PLG: variants seen among roughly 807,000 people sequenced by gnomAD.
The protein encoded by PLG is plasminogen, also known as plasmin.
A neutral mutation model predicts 104.4 loss-of-function variants in PLG; 41 were observed. The observed-to-expected ratio is 0.39, with a 90% CI of 0.31 to 0.51. The LOEUF (loss-of-function observed/expected upper bound fraction) is 0.51. Among genes scored for constraint, PLG ranks in the 20% least tolerant of loss-of-function variants. The pLI is 0.76. For synonymous variants in PLG, 337 were observed against 357.1 expected (o/e 0.94, Z 0.63); for missense variants, 891 against 1,003.6 (o/e 0.89, Z 1.52).
Position 160,711,506 on chromosome 6 carries a change from C to G in PLG, c.407+315C>G, listed in dbSNP as rs140952222. 5.7e-4 allele frequency: 840 copies of G among 1,475,856 alleles called. 9 individuals are homozygous for G. In the Middle Eastern group the frequency reaches 6.4e-3, roughly 11 times the overall value. 91.4% of individuals were successfully genotyped at this position (1,475,856 alleles called of 1,614,324 possible). ...TTGGTTGAATTTGTGGATCTGGAAC[C>G]CATGGATACAGAGGGCCAACTGTAT... On this transcript the variant is annotated intron_variant, in intron 4 of 18. Transcript: ENST00000308192.
At chr6:160,730,576 G>A (rs1377040918) in intron 10 of PLG, among the ~76,000 whole-genome samples, 1 of 152,128 alleles carries the variant, frequency 6.6e-6, no homozygotes, top group African/African-American at 2.4e-5. Context: ...ATACCATCTT[G>A]GATGTCATTT....
At position 160,741,269 on chromosome 6, in the gene PLG, G is replaced by A. The variant is rs371199625; in HGVS notation, c.2019-42G>A. ...GACTGGTTGTGGGTACTGCAGCTGC[G>A]AGCAGAGCAGTCAAACATAACTGCT... On this transcript the variant is annotated intron_variant, in intron 16 of 18. Transcript: ENST00000308192. The surrounding 1 kb of genome is among the most constrained non-coding windows in gnomAD (Gnocchi z 4.7). 43 of 1,328,074 alleles carry A rather than the reference G, an allele frequency of 3.2e-5. No homozygotes were observed. The highest frequency in any genetic ancestry group is 2.1e-4 in the South Asian group (18 of 85,504). 82.3% of individuals were successfully genotyped at this position (1,328,074 alleles called of 1,614,324 possible).
rs752552388 is a variant in PLG at position 160,702,310 on chromosome 6, A to C, written c.6A>C (p.Glu2Asp). The C allele has an allele frequency of 1.2e-6, 2 of 1,610,084 alleles. No individual in the cohort carries two copies. Among genetic ancestry groups the C allele is most frequent in the Non-Finnish European group, 1.7e-6 (2 of 1,179,704 alleles). M[E>D]HKEVVLLLLL... ...CACTGCTGGCCAGTCCCAAAATGGA[A>C]CATAAGGAAGTGGTTCTTCTACTTC... Residue 2 changes from glutamate to aspartate, a missense_variant, in exon 1 of 19, where the codon GAA (glutamate) becomes GAC (aspartate). Transcript: ENST00000308192.
At chr6:160,727,685 A>G (rs1340656330) in intron 10 of PLG, among the ~76,000 whole-genome samples, 1 of 152,024 alleles carries the variant, frequency 6.6e-6, no homozygotes, top group East Asian at 1.9e-4. Flanking sequence ...AAATCATATG[A>G]TTATGTCAAT....
Position 160,702,244 on chromosome 6 carries a change from G to A in PLG, c.-61G>A. The A allele has an allele frequency of 6.3e-7, 1 of 1,598,494 alleles. No individual in the cohort carries two copies. The highest frequency in any genetic ancestry group is 8.5e-7 in the Non-Finnish European group (1 of 1,171,596). On this transcript the variant is annotated 5_prime_UTR_variant, in exon 1 of 19. Transcript: ENST00000308192. ...GGTTTGTGGATGCGTTTACTCTCAT[G>A]TAAGTCAACAACATCCTGGGATTGG...
Position 160,741,799 on chromosome 6 carries a change from C to T in PLG, c.2125+382C>T, listed in dbSNP as rs1778200855. Among the ~76,000 whole-genome samples the T allele has an allele frequency of 6.6e-6, 1 of 152,076 alleles. No individual in the cohort carries two copies. Among genetic ancestry groups the T allele is most frequent in the African/African-American group, 2.4e-5 (1 of 41,398 alleles). On this transcript the variant is annotated intron_variant, in intron 17 of 18. Transcript: ENST00000308192. The surrounding 1 kb of genome is among the most constrained non-coding windows in gnomAD (Gnocchi z 4.7). The stretch of plus-strand genomic sequence containing the variant: ...ACCCAATTCTTAGTATTTCCTGCTC[C>T]TCTCCCTCCTCCCACTCTTCTCCCT...
Position 160,706,522 on chromosome 6 carries a change from G to A in PLG, c.165G>A (p.Glu55=), listed in dbSNP as rs746034511. The part of the protein sequence containing the change: ...SIEECAAKCE[E]DEEFTCRAFQ... ...AAGAATGTGCAGCAAAATGTGAGGA[G>A]GACGAAGAATTCACCTGCAGGTATT... The change falls in exon 2 of 19, where the codon GAG becomes GAA. Residue 55 remains glutamate (E), a synonymous_variant. Transcript: ENST00000308192. 17 of 1,613,650 alleles carry A rather than the reference G, an allele frequency of 1.1e-5. No individual in the cohort carries two copies. In the East Asian group the frequency reaches 3.8e-4, roughly 36 times the overall value.
chr6:160,732,030 A>G lies in PLG; in HGVS notation c.1587+137A>G. On this transcript the variant is annotated intron_variant, in intron 12 of 18. Transcript: ENST00000308192. This position sits in a 1 kb window ranked among gnomAD's most constrained non-coding sequence, Gnocchi z 4.5. ...GAGAGGGGACAGAAGAAAATATTGG[A>G]AAGGCATCAGGGGGCTAAGCTAGAA... 2 of 916,908 alleles carry G rather than the reference A, an allele frequency of 2.2e-6. No homozygotes were observed. The highest frequency in any genetic ancestry group is 3.5e-6 in the Non-Finnish European group (2 of 565,580). The allele number at this position is 916,908 out of a possible 1,614,324, so 56.8% of individuals were successfully genotyped here.
rs894049526 is a variant in PLG at position 160,725,550 on chromosome 6, T to C, written c.1256+2983T>C. Among the ~76,000 whole-genome samples the C allele has an allele frequency of 2.0e-5, 3 of 151,986 alleles. No individual in the cohort carries two copies. Among genetic ancestry groups the C allele is most frequent in the Admixed American group, 6.6e-5 (1 of 15,254 alleles). ...GGAAGAAAAAAGAATGAAGAAGATA[T>C]GGCAAAGAGAGAAAATACACAGCAT... is the stretch of plus-strand genomic sequence containing the variant. On this transcript the variant is annotated intron_variant, in intron 10 of 18. Transcript: ENST00000308192. The surrounding 1 kb of genome is among the most constrained non-coding windows in gnomAD (Gnocchi z 6.3).
rs1205509593 is a variant in PLG at position 160,736,957 on chromosome 6, G to T, written c.1752G>T (p.Gly584=). ...AATGTCCTGGAAGGGTTGTAGGGGG[G>T]TGTGTGGCCCACCCACATTCCTGGC... The part of the protein sequence containing the change: ...PKKCPGRVVG[G]CVAHPHSWPW... Residue 584 remains glycine, a synonymous_variant, in exon 14 of 19, where the codon GGG becomes GGT. Coordinates refer to ENST00000308192, the MANE Select transcript of PLG (RefSeq NM_000301.5). This position sits in a 1 kb window ranked among gnomAD's most constrained non-coding sequence, Gnocchi z 5.2. 1.9e-6 allele frequency: 3 copies of T among 1,613,814 alleles called. No homozygotes were observed. The highest frequency in any genetic ancestry group is 2.5e-6 in the Non-Finnish European group (3 of 1,179,940).
intron 5 of PLG, 126 bp downstream of exon 5, chr6:160,713,251 CA>C (rs1274587338): frequency 3.7e-5 from 31 of 829,780 alleles, no homozygotes; most frequent in Non-Finnish European, 5.9e-5. Context: ...CGGAAAGAAG[CA>C]AAACCCCAGA....
chr6:160,715,077 A>T (rs1777707932), intron 6 of PLG, among the ~76,000 whole-genome samples, 163 bp downstream of exon 6: 1 of 152,228 alleles, frequency 6.6e-6, no homozygotes, highest in Non-Finnish European at 1.5e-5. Context: ...TGAAATACGC[A>T]TTCTTGCTGC....
intron 8 of PLG, 25 bp from the exon 9 acceptor site, chr6:160,718,668 A>G (rs1777783707): frequency 4.3e-6 from 7 of 1,613,026 alleles, no homozygotes; most frequent in Admixed American, 1.7e-5. Flanking sequence ...TTGGAAAGCT[A>G]AACTCACAAT....
rs1334975058 is a variant in PLG at position 160,702,322 on chromosome 6, G to A, written c.18G>A (p.Val6=). ...GTCCCAAAATGGAACATAAGGAAGT[G>A]GTTCTTCTACTTCTTTTATTTCTGA... is the stretch of plus-strand genomic sequence containing the variant. MEHKE[V]VLLLLLFLKS... The change falls in exon 1 of 19, where the codon GTG becomes GTA. Residue 6 remains valine, a synonymous_variant. Transcript: ENST00000308192. 1.9e-6 allele frequency: 3 copies of A among 1,609,558 alleles called. No individual in the cohort carries two copies. The highest frequency in any genetic ancestry group is 2.5e-6 in the Non-Finnish European group (3 of 1,179,516).
rs1344663318 is a variant in PLG, at chr6:160,743,146, T to C, written c.2125+1729T>C. 2.0e-5 allele frequency among the ~76,000 whole-genome samples: 3 copies of C among 152,130 alleles called. No homozygotes were observed. In the East Asian group the frequency reaches 5.8e-4, roughly 29 times the overall value. On this transcript the variant is annotated intron_variant, in intron 17 of 18. Coordinates refer to ENST00000308192, the MANE Select transcript of PLG (RefSeq NM_000301.5). ...GGATTGCCTTGGCTATTCTGGCTCCTTTTTGGTTATATATAAATTTTTGAA... is the reference window on the plus strand; with the variant it reads ...GGATTGCCTTGGCTATTCTGGCTCCCTTTTGGTTATATATAAATTTTTGAA...
intron 10 of PLG, among the ~76,000 whole-genome samples, chr6:160,727,471 T>C (rs1177961171): frequency 6.7e-6 from 1 of 148,382 alleles, no homozygotes; most frequent in Non-Finnish European, 1.5e-5. Context: ...AAAACCCTAG[T>C]TGTAAAAAAG....
rs1340348146 is a variant in PLG, at chr6:160,752,519, G to A, written c.2271+259G>A. Among the ~76,000 whole-genome samples, 1 of 152,162 alleles carries A rather than the reference G, an allele frequency of 6.6e-6. No individual in the cohort carries two copies. The highest frequency in any genetic ancestry group is 2.4e-5 in the African/African-American group (1 of 41,420). On this transcript the variant is annotated intron_variant, in intron 18 of 18. Transcript: ENST00000308192. This position sits in a 1 kb window ranked among gnomAD's most constrained non-coding sequence, Gnocchi z 4.7. The stretch of plus-strand genomic sequence containing the variant: ...TACCTCAGGCCACTCACCCTCCTGG[G>A]GTGTGCTGGTGGCCAGGGACTAAAG...
At chr6:160,713,827 A>G (rs2115159094) in intron 5 of PLG, among the ~76,000 whole-genome samples, 3 of 152,360 alleles carry the variant, frequency 2.0e-5, no homozygotes, top group African/African-American at 7.2e-5. Flanking sequence ...CATTATTTGA[A>G]TGGACTGAGC....
At chr6:160,733,570 T>C (rs1011964336) in intron 12 of PLG, among the ~76,000 whole-genome samples, 14 of 151,940 alleles carry the variant, frequency 9.2e-5, no homozygotes, top group Non-Finnish European at 1.3e-4. Flanking sequence ...CTGAGCATGG[T>C]GGCTCACACC....
Sources: allele counts gnomAD v4.1 joint callset (sites outside exome capture counted in the v4.1 genomes callset), GRCh38; gene constraint gnomAD v4.1.1; non-coding constraint Gnocchi (gnomAD v3.1); transcripts MANE v1.5; gene names NCBI Gene and HGNC (gene_info 2026-07-23, HGNC 2026-07-21).